PRKG1: variants seen among roughly 807,000 people sequenced by gnomAD.
PRKG1 encodes the protein protein kinase cGMP-dependent 1, also known as cGMP-dependent protein kinase 1.
Under a neutral mutation model 88.1 loss-of-function variants are expected in PRKG1, and 35 were observed. The ratio of observed to expected loss-of-function variants is 0.40; its 90% CI spans 0.30 to 0.53. The LOEUF is 0.53. Among genes scored for constraint, PRKG1 ranks in the 20% least tolerant of loss-of-function variants. The pLI is 0.59. For missense variants in PRKG1, 540 were observed against 839.8 expected, an observed-to-expected ratio of 0.64 and a Z score of 4.41; for synonymous variants, 303 against 292.5, an observed-to-expected ratio of 1.04 and a Z score of -0.37.
intron 2 of PRKG1, among the ~76,000 whole-genome samples, chr10:51,393,872 C>G (rs530903399): frequency 1.3e-5 from 2 of 152,130 alleles, no homozygotes; most frequent in Middle Eastern, 6.8e-3. Context: ...TCACACTGTA[C>G]TATTTGGGGG....
At chr10:52,239,875 G>A (rs1166678799) in intron 9 of PRKG1, among the ~76,000 whole-genome samples, 2 of 152,054 alleles carry the variant, frequency 1.3e-5, no homozygotes, top group East Asian at 1.9e-4. Flanking sequence ...CTTCACCATT[G>A]TCTCTTCACT....
intron 2 of PRKG1, among the ~76,000 whole-genome samples, chr10:51,368,306 G>T (rs1842631485): frequency 6.6e-6 from 1 of 151,882 alleles, no homozygotes; most frequent in Non-Finnish European, 1.5e-5. Flanking sequence ...CGTCTTCCTT[G>T]TAGAGGACTG....
At chr10:51,877,755 A>G (rs899852579) in intron 4 of PRKG1, among the ~76,000 whole-genome samples, 2 of 152,214 alleles carry the variant, frequency 1.3e-5, no homozygotes, top group Non-Finnish European at 2.9e-5. Flanking sequence ...TCTTTAAGAC[A>G]TGCTGTTTCC....
chr10:51,440,147 T>A (rs981315417), intron 2 of PRKG1, among the ~76,000 whole-genome samples: 5 of 151,918 alleles, frequency 3.3e-5, no homozygotes, highest in Non-Finnish European at 7.4e-5. Flanking sequence ...ACGTTGAGTA[T>A]GATACTCCGT....
chr10:51,184,481 A>T (rs1025304537), intron 2 of PRKG1, among the ~76,000 whole-genome samples: 2 of 152,172 alleles, frequency 1.3e-5, no homozygotes, highest in Admixed American at 1.3e-4. Context: ...GCTAAAGGCT[A>T]TTTATCTTTA....
intron 9 of PRKG1, among the ~76,000 whole-genome samples, chr10:52,183,285 C>A (rs1281786837): frequency 2.0e-5 from 3 of 152,170 alleles, no homozygotes; most frequent in Admixed American, 6.5e-5. Flanking sequence ...GGGCATGGGG[C>A]TTTTGGGCAG....
At chr10:51,379,718 G>C (rs908172165) in intron 2 of PRKG1, among the ~76,000 whole-genome samples, 1 of 152,222 alleles carries the variant, frequency 6.6e-6, no homozygotes, top group Non-Finnish European at 1.5e-5. Flanking sequence ...TCACTCGACA[G>C]ATTTAACTGA....
intron 3 of PRKG1, among the ~76,000 whole-genome samples, chr10:51,536,162 C>A (rs1285121182): frequency 6.6e-6 from 1 of 152,116 alleles, no homozygotes; most frequent in Non-Finnish European, 1.5e-5. Flanking sequence ...AAAAGAAGTA[C>A]AAAACAGAAG....
intron 1 of PRKG1, among the ~76,000 whole-genome samples, chr10:51,133,703 TC>T (rs1242891028): frequency 6.6e-6 from 1 of 152,128 alleles, no homozygotes; most frequent in African/African-American, 2.4e-5. Flanking sequence ...TATTTCCTTA[TC>T]CCCTACAAGC....
At chr10:52,185,291 A>C (rs1218658776) in intron 9 of PRKG1, among the ~76,000 whole-genome samples, 1 of 152,202 alleles carries the variant, frequency 6.6e-6, no homozygotes, top group East Asian at 1.9e-4. Context: ...TCAGTCCAAA[A>C]TTCATCAGGG....
rs562288715 is a variant in PRKG1 at position 51,673,646 on chromosome 10, T to C, written c.593-130939T>C. Among the ~76,000 whole-genome samples, 4 of 152,340 alleles carry C rather than the reference T, an allele frequency of 2.6e-5. No homozygotes were observed. In the East Asian group the frequency reaches 7.7e-4, roughly 29 times the overall value. ...TTTCTCATCTTGTGACCCCACTGTG[T>C]TTTTAAAGAATATCTTATTTATTGA... On this transcript the variant is annotated intron_variant, in intron 3 of 17. Transcript: ENST00000373980.
chr10:51,731,784 C>T (rs1842275683), intron 3 of PRKG1, among the ~76,000 whole-genome samples: 1 of 152,278 alleles, frequency 6.6e-6, no homozygotes, highest in South Asian at 2.1e-4. Context: ...CAAAATATCA[C>T]AGACCGCGTG....
chr10:52,040,731 A>G (rs1429136881), intron 5 of PRKG1, among the ~76,000 whole-genome samples: 2 of 152,082 alleles, frequency 1.3e-5, no homozygotes, highest in East Asian at 3.9e-4. Flanking sequence ...GAAGTGGTGA[A>G]AGTGGGCATC....
Position 52,294,788 on chromosome 10 carries a change from T to A in PRKG1, c.*888T>A, listed in dbSNP as rs979374075. On this transcript the variant is annotated 3_prime_UTR_variant, in exon 18 of 18. Transcript: ENST00000373980. ...AACTGAGGCTTAAAGTATTCCCTTTTATAAAAATAAATGCTTGGGGTAGGG... is the reference window on the plus strand; with the variant it reads ...AACTGAGGCTTAAAGTATTCCCTTTAATAAAAATAAATGCTTGGGGTAGGG... 6.5e-6 allele frequency: 1 copy of A among 152,694 alleles called. No individual in the cohort carries two copies. The allele number at this position is 152,694 out of a possible 1,614,324, so 9.5% of individuals were successfully genotyped here.
chr10:52,253,154 G>A (rs958603178), intron 10 of PRKG1, among the ~76,000 whole-genome samples: 3 of 151,894 alleles, frequency 2.0e-5, no homozygotes, highest in Non-Finnish European at 2.9e-5. Flanking sequence ...TTCTCAGAGA[G>A]TGATTGTAGG....
chr10:51,858,737 C>G (rs896487364), intron 4 of PRKG1, among the ~76,000 whole-genome samples: 1 of 151,772 alleles, frequency 6.6e-6, no homozygotes, highest in Non-Finnish European at 1.5e-5. Context: ...GAGGTACCTT[C>G]AAAAGGCCTT....
intron 1 of PRKG1, among the ~76,000 whole-genome samples, chr10:51,086,011 C>T (rs1484143326): frequency 6.6e-6 from 1 of 152,124 alleles, no homozygotes; most frequent in Non-Finnish European, 1.5e-5. Flanking sequence ...TTGTGACTTG[C>T]CTGATTCTGC....
intron 6 of PRKG1, among the ~76,000 whole-genome samples, chr10:52,056,957 T>C (rs1366221076): frequency 6.6e-6 from 1 of 152,156 alleles, no homozygotes; most frequent in Non-Finnish European, 1.5e-5. Flanking sequence ...GAGAGTAGGC[T>C]CAGTTGAGCA....
chr10:51,737,393 C>A (rs1261179336), intron 3 of PRKG1, among the ~76,000 whole-genome samples: 1 of 152,186 alleles, frequency 6.6e-6, no homozygotes, highest in Non-Finnish European at 1.5e-5. Flanking sequence ...CTATTATCTA[C>A]TCAAAACAGA....
Sources: gnomAD v4.1 joint callset for allele counts (sites outside exome capture counted in the v4.1 genomes callset) on GRCh38, gnomAD v4.1.1 for gene constraint, MANE v1.5 for transcripts, NCBI Gene and HGNC (gene_info 2026-07-23, HGNC 2026-07-21) for gene names.